ZMYND11: variants seen among roughly 807,000 people sequenced by gnomAD.
The protein encoded by ZMYND11 is zinc finger MYND-type containing 11.
In ZMYND11, 9 loss-of-function variants were observed where a neutral mutation model predicts 84.9. The ratio of observed to expected loss-of-function variants is 0.11; its 90% CI spans 0.06 to 0.18. The LOEUF is 0.18. Ranked by LOEUF, ZMYND11 falls within the 10% of genes least tolerant of loss-of-function variation. ZMYND11 has a pLI of 1.00. For synonymous variants in ZMYND11, 250 were observed against 244.1 expected, an observed-to-expected ratio of 1.02 and a Z score of -0.23; for missense variants, 409 against 761.0, an observed-to-expected ratio of 0.54 and a Z score of 5.44.
intron 3 of ZMYND11, among the ~76,000 whole-genome samples, chr10:220,007 G>A (rs1434236846): frequency 6.6e-6 from 1 of 152,070 alleles, no homozygotes; most frequent in African/African-American, 2.4e-5. Context: ...GAAGGACTGG[G>A]TAGTCCTTCA....
intron 2 of ZMYND11, among the ~76,000 whole-genome samples, chr10:186,643 A>T (rs1360940133): frequency 6.9e-4 from 1 of 1,452 alleles, no homozygotes; most frequent in Non-Finnish European, 2.6e-3. Context: ...GGACTCTCTC[A>T]AAAAAAAAAA....
intron 2 of ZMYND11, among the ~76,000 whole-genome samples, chr10:185,494 A>G (rs1329152545): frequency 1.4e-5 from 1 of 69,566 alleles, no homozygotes; most frequent in African/African-American, 3.5e-5. Flanking sequence ...GTTTTTCTTT[A>G]AAAAAAAAAA....
chr10:168,599 T>G (rs1844559493), intron 1 of ZMYND11, among the ~76,000 whole-genome samples: 1 of 152,130 alleles, frequency 6.6e-6, no homozygotes, highest in Non-Finnish European at 1.5e-5. Flanking sequence ...GATTCCATGG[T>G]TTACAGCCTG....
chr10:233,557 G>A (rs11599450), intron 4 of ZMYND11, among the ~76,000 whole-genome samples: 6 of 151,906 alleles, frequency 3.9e-5, no homozygotes, highest in Non-Finnish European at 4.4e-5. Context: ...GACATTCCTG[G>A]GGTAGTTATG....
At chr10:181,126 GT>G (rs1256216301) in intron 2 of ZMYND11, among the ~76,000 whole-genome samples, 9 of 152,120 alleles carry the variant, frequency 5.9e-5, no homozygotes, top group Non-Finnish European at 1.3e-4. Context: ...TTTTTTAAGT[GT>G]TTGGAATTTT....
chr10:189,936 G>A (rs1340755679), intron 2 of ZMYND11, among the ~76,000 whole-genome samples: 1 of 152,168 alleles, frequency 6.6e-6, no homozygotes, highest in Admixed American at 6.5e-5. Context: ...CGACAAGGCA[G>A]AGAGGCGAGT....
At chr10:243,272 T>C (rs965673941) in intron 10 of ZMYND11, among the ~76,000 whole-genome samples, 8 of 152,192 alleles carry the variant, frequency 5.3e-5, no homozygotes, top group Non-Finnish European at 1.5e-5. Context: ...TAGTGAGTAC[T>C]CAATAAATGT....
intron 1 of ZMYND11, among the ~76,000 whole-genome samples, chr10:145,470 C>T (rs549967338): frequency 2.6e-5 from 4 of 152,162 alleles, no homozygotes; most frequent in East Asian, 1.9e-4. Context: ...AAGGAACGTC[C>T]GTGCCGTTTT....
chr10:193,338 A>G (rs1408129165), intron 2 of ZMYND11, among the ~76,000 whole-genome samples: 1 of 152,214 alleles, frequency 6.6e-6, no homozygotes, highest in African/African-American at 2.4e-5. Context: ...GGGCCCTTAC[A>G]GCATTCCATA....
chr10:216,875 A>C (rs1946271624), intron 3 of ZMYND11, among the ~76,000 whole-genome samples: 1 of 152,188 alleles, frequency 6.6e-6, no homozygotes, highest in African/African-American at 2.4e-5. Context: ...TTTTTATTTT[A>C]AATATAAGTA....
At chr10:221,028 T>C (rs1174069114) in intron 3 of ZMYND11, among the ~76,000 whole-genome samples, 167 bp from the exon 4 acceptor site, 1 of 152,224 alleles carries the variant, frequency 6.6e-6, no homozygotes, top group African/African-American at 2.4e-5. Context: ...GATTTTAAAA[T>C]TTAAAGCAGC....
At chr10:219,716 G>C (rs1269111497) in intron 3 of ZMYND11, among the ~76,000 whole-genome samples, 1 of 152,134 alleles carries the variant, frequency 6.6e-6, no homozygotes, top group East Asian at 1.9e-4. Flanking sequence ...TTTGTGCCAT[G>C]TGCAATCAGG....
chr10:172,956 C>T (rs1554766051), intron 1 of ZMYND11, among the ~76,000 whole-genome samples: 8 of 151,532 alleles, frequency 5.3e-5, no homozygotes. Flanking sequence ...CAACTTTTAC[C>T]AAGGAGCAGA....
chr10:140,246 G>C (rs981569105), intron 1 of ZMYND11, among the ~76,000 whole-genome samples: 18 of 152,312 alleles, frequency 1.2e-4, no homozygotes, highest in African/African-American at 3.9e-4. Context: ...ATGTGAGGGA[G>C]ATAAGAACCC....
chr10:240,231 C>A, intron 8 of ZMYND11, 120 bp downstream of exon 8: 2 of 878,752 alleles, frequency 2.3e-6, no homozygotes, highest in Non-Finnish European at 3.3e-6. Context: ...TATTGCCGGG[C>A]GTGGGGGCTC....
chr10:232,020 G>C (rs17221225), intron 4 of ZMYND11, among the ~76,000 whole-genome samples: 38,395 of 152,082 alleles, frequency 0.25, 6,047 homozygotes, highest in Non-Finnish European at 0.36. Flanking sequence ...AGAATCCTCA[G>C]GCCTGCAAAT....
intron 2 of ZMYND11, among the ~76,000 whole-genome samples, chr10:187,989 A>G (rs1197146073): frequency 6.6e-6 from 1 of 152,222 alleles, no homozygotes; most frequent in Non-Finnish European, 1.5e-5. Flanking sequence ...AAAATGCCGT[A>G]GTAAGTTGAG....
At chr10:234,699 CCTTTT>C (rs1173558427) in intron 4 of ZMYND11, among the ~76,000 whole-genome samples, 4 of 149,216 alleles carry the variant, frequency 2.7e-5, no homozygotes, top group African/African-American at 1.0e-4. Flanking sequence ...TTTTTATTCT[CCTTTT>C]AAGAAGAATG....
intron 1 of ZMYND11, among the ~76,000 whole-genome samples, chr10:162,403 G>A (rs1021554604): frequency 9.2e-5 from 14 of 151,864 alleles, no homozygotes; most frequent in African/African-American, 3.4e-4. Context: ...CAGAAAAAGG[G>A]CAGTAGACTT....
Sources: allele counts gnomAD v4.1 joint callset (sites outside exome capture counted in the v4.1 genomes callset), GRCh38; gene constraint gnomAD v4.1.1; transcripts MANE v1.5; gene names NCBI Gene and HGNC (gene_info 2026-07-23, HGNC 2026-07-21).